Variants in ADAM19 observed in about 807,000 individuals in gnomAD.
The protein encoded by ADAM19 is disintegrin and metalloproteinase domain-containing protein 19.
A neutral mutation model predicts 114.7 loss-of-function variants in ADAM19; 65 were observed. That is an observed-to-expected ratio of 0.57 (90% confidence interval 0.46 to 0.70). ADAM19 has a LOEUF of 0.70. Among genes scored for constraint, ADAM19 ranks in the 30% least tolerant of loss-of-function variants. The probability of loss-of-function intolerance (pLI) is 0.00; values close to 1 mark genes in which losing one functional copy is unlikely to be tolerated. For missense variants in ADAM19, 1,063 were observed against 1,204.7 expected, an observed-to-expected ratio of 0.88 and a Z score of 1.74; for synonymous variants, 466 against 460.5, an observed-to-expected ratio of 1.01 and a Z score of -0.15.
chr5:157,561,948 C>T (rs558964212), intron 3 of ADAM19, among the ~76,000 whole-genome samples: 65 of 151,490 alleles, frequency 4.3e-4, no homozygotes, highest in African/African-American at 1.5e-3. Context: ...AAAATGAATA[C>T]GTTGATCGAG....
chr5:157,562,399 C>A lies in ADAM19; in HGVS notation c.251+1974G>T, dbSNP rs987930978. On this transcript the variant is annotated intron_variant, in intron 3 of 22. Coordinates refer to ENST00000257527, the MANE Select transcript of ADAM19 (RefSeq NM_033274.5). ...GGAAAAGCAGATGCTAGAACCACAG[C>A]CCCGGGCTCTCCTCTGGAGCCTCAG... 1.2e-4 allele frequency among the ~76,000 whole-genome samples: 19 copies of A among 152,220 alleles called. 2 individuals are homozygous for A. The highest frequency in any genetic ancestry group is 3.9e-4 in the African/African-American group (16 of 41,450).
At chr5:157,514,902 A>C in intron 7 of ADAM19, among the ~76,000 whole-genome samples, 1 of 152,180 alleles carries the variant, frequency 6.6e-6, no homozygotes, top group East Asian at 1.9e-4. Flanking sequence ...AATTTATCTT[A>C]GGTACCCACT....
chr5:157,503,070 G>C, intron 11 of ADAM19, 90 bp from the exon 12 acceptor site: 1 of 1,270,254 alleles, frequency 7.9e-7, no homozygotes, highest in Non-Finnish European at 1.1e-6. Flanking sequence ...TGCTACCCGT[G>C]GGGCTGACTC....
chr5:157,562,031 G>A (rs1274277256), intron 3 of ADAM19, among the ~76,000 whole-genome samples: 1 of 151,934 alleles, frequency 6.6e-6, no homozygotes, highest in Non-Finnish European at 1.5e-5. Flanking sequence ...TGAGATTATA[G>A]AAACTTCAAC....
At chr5:157,490,061 A>G (rs1431952845) in intron 19 of ADAM19, among the ~76,000 whole-genome samples, 2 of 152,240 alleles carry the variant, frequency 1.3e-5, no homozygotes, top group African/African-American at 4.8e-5. Context: ...TTTATATTTC[A>G]ACTTGATTTG....
At chr5:157,519,299 A>G (rs6556068) in intron 6 of ADAM19, among the ~76,000 whole-genome samples, 87,526 of 152,100 alleles carry the variant, frequency 0.58, 26,487 homozygotes, top group African/African-American at 0.75. Flanking sequence ...CAATAGGGAA[A>G]GCATACTTTT....
intron 12 of ADAM19, among the ~76,000 whole-genome samples, chr5:157,502,574 T>C (rs972129099): frequency 6.6e-6 from 1 of 152,170 alleles, no homozygotes; most frequent in Non-Finnish European, 1.5e-5. Context: ...CAGACACTCA[T>C]AAGAAGAACT....
intron 8 of ADAM19, among the ~76,000 whole-genome samples, chr5:157,513,177 C>T (rs927822723): frequency 4.6e-5 from 7 of 152,082 alleles, no homozygotes; most frequent in Admixed American, 1.3e-4. Flanking sequence ...AAAAACCACA[C>T]ATTGATTTAC....
At chr5:157,537,774 C>T (rs1561548068) in intron 4 of ADAM19, 139 bp downstream of exon 4, 4 of 672,578 alleles carry the variant, frequency 5.9e-6, no homozygotes, top group Non-Finnish European at 7.6e-6. Flanking sequence ...TTTTGCTTCT[C>T]GTTTGCTCCC....
rs11466817 is a variant in ADAM19 at position 157,479,149 on chromosome 5, A to T, written c.*1800T>A. 1.0e-6 allele frequency: 1 copy of T among 985,800 alleles called. No homozygotes were observed. The allele number at this position is 985,800 out of a possible 1,614,324, so 61.1% of individuals were successfully genotyped here. On this transcript the variant is annotated 3_prime_UTR_variant, in exon 23 of 23. Transcript: ENST00000257527. The stretch of plus-strand genomic sequence containing the variant: ...AGCAAGGATGACCCACGGCAAGGAC[A>T]TGGGGAACCTGTATCACAGCCACCC...
intron 4 of ADAM19, among the ~76,000 whole-genome samples, chr5:157,536,575 C>A (rs1756772849): frequency 6.6e-6 from 1 of 152,056 alleles, no homozygotes; most frequent in South Asian, 2.1e-4. Context: ...TTGCAGTGAG[C>A]CAAGATCGCA....
rs1754692586 is a variant in ADAM19, at chr5:157,479,841, T to A, written c.*1108A>T. The A allele has an allele frequency of 1.0e-6, 1 of 985,492 alleles. No homozygotes were observed. Among genetic ancestry groups the A allele is most frequent in the Admixed American group, 6.1e-5 (1 of 16,264 alleles). 61.0% of individuals were successfully genotyped at this position (985,492 alleles called of 1,614,324 possible). A position where few individuals can be genotyped will look rare whatever the true frequency, so the allele number is the denominator to read the frequency against. ...TCAATGACCAGCCTGCTCCCTCGTG[T>A]GTACTTTGTAAATAGCTGGGCTCCC... On this transcript the variant is annotated 3_prime_UTR_variant, in exon 23 of 23. Coordinates refer to ENST00000257527, the MANE Select transcript of ADAM19 (RefSeq NM_033274.5).
chr5:157,556,359 C>CA (rs796820753), intron 3 of ADAM19, among the ~76,000 whole-genome samples: 55 of 151,930 alleles, frequency 3.6e-4, no homozygotes, highest in African/African-American at 1.2e-3. Context: ...GCTGGGACTA[C>CA]AGGGGCGCAC....
rs1581294931 is a variant in ADAM19 at position 157,492,868 on chromosome 5, G to C, written c.1908+105C>G. 5 of 1,220,110 alleles carry C rather than the reference G, an allele frequency of 4.1e-6. No homozygotes were observed. In the East Asian group the frequency reaches 1.2e-4, roughly 29 times the overall value. 75.6% of individuals were successfully genotyped at this position (1,220,110 alleles called of 1,614,324 possible). A position where few individuals can be genotyped will look rare whatever the true frequency, so the allele number is the denominator to read the frequency against. ...ATGAAGGGAGCCACCAAGGCTCAGA[G>C]GTTGGCGAGGTGGCATCTGAGCCCA... On this transcript the variant is annotated intron_variant, in intron 16 of 22. Coordinates refer to ENST00000257527, the MANE Select transcript of ADAM19 (RefSeq NM_033274.5).
Position 157,478,567 on chromosome 5 carries a change from C to T in ADAM19, c.*2382G>A. 1 of 985,568 alleles carries T rather than the reference C, an allele frequency of 1.0e-6. No individual in the cohort carries two copies. Among genetic ancestry groups the T allele is most frequent in the Non-Finnish European group, 1.2e-6 (1 of 829,870 alleles). The allele number at this position is 985,568 out of a possible 1,614,324, so 61.1% of individuals were successfully genotyped here. On this transcript the variant is annotated 3_prime_UTR_variant, in exon 23 of 23. Transcript: ENST00000257527. Reference sequence around the variant, plus strand: ...CCAGATTTATTTGTATTTGACACCTCAAAACAGCATACTGGGCACTGGAAA... The same window carrying T: ...CCAGATTTATTTGTATTTGACACCTTAAAACAGCATACTGGGCACTGGAAA...
chr5:157,479,830 G>T lies in ADAM19; in HGVS notation c.*1119C>A. The T allele has an allele frequency of 2.0e-6, 2 of 985,622 alleles. No individual in the cohort carries two copies. The highest frequency in any genetic ancestry group is 2.4e-6 in the Non-Finnish European group (2 of 830,034). 61.1% of individuals were successfully genotyped at this position (985,622 alleles called of 1,614,324 possible). On this transcript the variant is annotated 3_prime_UTR_variant, in exon 23 of 23. Coordinates refer to ENST00000257527, the MANE Select transcript of ADAM19 (RefSeq NM_033274.5). ...CCAGCCCGAAGTCAATGACCAGCCT[G>T]CTCCCTCGTGTGTACTTTGTAAATA...
rs1561540589 is a variant in ADAM19 at position 157,518,881 on chromosome 5, C to T, written c.608G>A (p.Arg203Lys). 2 of 1,613,772 alleles carry T rather than the reference C, an allele frequency of 1.2e-6. No individual in the cohort carries two copies. The highest frequency in any genetic ancestry group is 1.7e-5 in the Admixed American group (1 of 59,990). ...ATACTTCATGGAGTTTAAATCTTCC[C>T]TTTTCATCTAAGAAAGAGAAACAGA... ...QTKKRPRRMK[R>K]EDLNSMKYVE... Residue 203 changes from arginine (R) to lysine (K), a missense_variant, in exon 7 of 23, where the codon AGG becomes AAG. By Grantham distance (26) the Arg-to-Lys change is conservative. Transcript: ENST00000257527.
chr5:157,551,459 T>C (rs1207689097), intron 3 of ADAM19, among the ~76,000 whole-genome samples: 1 of 143,316 alleles, frequency 7.0e-6, no homozygotes, highest in Non-Finnish European at 1.5e-5. Context: ...CCTCAAACCA[T>C]TTAACTGCAA....
chr5:157,522,122 T>C (rs1437648192), intron 5 of ADAM19, among the ~76,000 whole-genome samples: 1 of 152,204 alleles, frequency 6.6e-6, no homozygotes, highest in Non-Finnish European at 1.5e-5. Context: ...TATAGAGCCT[T>C]TGCTATGGAC....
Sources: gnomAD v4.1 joint callset for allele counts (sites outside exome capture counted in the v4.1 genomes callset) on GRCh38, gnomAD v4.1.1 for gene constraint, MANE v1.5 for transcripts, NCBI Gene and HGNC (gene_info 2026-07-23, HGNC 2026-07-21) for gene names.